Variants in HECTD4 observed in about 807,000 individuals in gnomAD.
The protein encoded by HECTD4 is probable E3 ubiquitin-protein ligase HECTD4.
HECTD4 carries 114 observed loss-of-function variants against 471.5 expected under a neutral mutation model. The observed-to-expected ratio is 0.24, with a 90% confidence interval of 0.21 to 0.28. HECTD4 has a LOEUF of 0.28. Ranked by LOEUF, HECTD4 falls within the 10% of genes least tolerant of loss-of-function variation. HECTD4 has a pLI of 1.00. For missense variants in HECTD4, 3,866 were observed against 5,651.5 expected, an observed-to-expected ratio of 0.68 and a Z score of 10.13; for synonymous variants, 2,012 against 2,256.0, an observed-to-expected ratio of 0.89 and a Z score of 3.07.
At chr12:112,279,595 A>G (rs1424848527) in intron 8 of HECTD4, among the ~76,000 whole-genome samples, 1 of 152,220 alleles carries the variant, frequency 6.6e-6, no homozygotes, top group Non-Finnish European at 1.5e-5. Flanking sequence ...TGAGCCTCCT[A>G]TTTATATGGT....
chr12:112,367,223 G>C (rs776532951), intron 1 of HECTD4, among the ~76,000 whole-genome samples: 2 of 150,176 alleles, frequency 1.3e-5, no homozygotes, highest in Non-Finnish European at 3.0e-5. Context: ...CACTTGAACC[G>C]GGGAGGTAGA....
rs1248201495 is a variant in HECTD4, at chr12:112,319,242, C to T, written c.678G>A (p.Val226=). 2 of 1,536,120 alleles carry T rather than the reference C, an allele frequency of 1.3e-6. No individual in the cohort carries two copies. The highest frequency in any genetic ancestry group is 2.4e-5 in the South Asian group (2 of 84,068). ...KQKENAAAAL[V]ALACARGSLK... ...TTCCTTACCTGGCACAAGCCAAAGC[C>T]ACCAGGGCAGCAGCAGCATTTTCTT... The change falls in exon 2 of 76, where the codon GTG becomes GTA. Residue 226 remains valine (V), a synonymous_variant. Transcript: ENST00000682272. The surrounding 1 kb of genome is among the most constrained non-coding windows in gnomAD (Gnocchi z 5.3).
chr12:112,241,987 G>C (rs958471233), intron 32 of HECTD4, among the ~76,000 whole-genome samples: 2 of 152,182 alleles, frequency 1.3e-5, no homozygotes, highest in Non-Finnish European at 2.9e-5. Context: ...GCCTCCAGCA[G>C]CTCCAGTCCA....
At chr12:112,206,898 A>G (rs1330762757) in intron 52 of HECTD4, among the ~76,000 whole-genome samples, 1 of 151,798 alleles carries the variant, frequency 6.6e-6, no homozygotes, top group African/African-American at 2.4e-5. Context: ...TCTTTTATTC[A>G]CTGGTCTTAC....
chr12:112,319,302 A>T lies in HECTD4; in HGVS notation c.618T>A (p.Thr206=), dbSNP rs768638976. 1.3e-6 allele frequency: 2 copies of T among 1,536,152 alleles called. No homozygotes were observed. ...GTGGGATGTGTCGGCCTGTGTCAGA[A>T]GTCTCCTCTAGCCAAGAGCACAGCA... The part of the protein sequence containing the change: ...ETLLCSWLEE[T]SDTGRHIPHK... Residue 206 remains threonine (T), a synonymous_variant, in exon 2 of 76, where the codon ACT becomes ACA. Coordinates refer to ENST00000682272, the MANE Select transcript of HECTD4 (RefSeq NM_001388303.1). The surrounding 1 kb of genome is among the most constrained non-coding windows in gnomAD (Gnocchi z 5.3).
intron 7 of HECTD4, chr12:112,302,011 T>G (rs1340448415): frequency 2.1e-6 from 2 of 940,234 alleles, no homozygotes; most frequent in Non-Finnish European, 3.4e-6. Flanking sequence ...TCCTGATACC[T>G]TCCACCAGCT....
chr12:112,176,672 A>T lies in HECTD4; in HGVS notation c.11394T>A (p.Thr3798=). 6.2e-7 allele frequency: 1 copy of T among 1,613,972 alleles called. No individual in the cohort carries two copies. The change falls in exon 65 of 76, where the codon ACT becomes ACA. Residue 3798 remains threonine (T), a synonymous_variant. Coordinates refer to ENST00000682272, the MANE Select transcript of HECTD4 (RefSeq NM_001388303.1). ...SRTALSEKKP[T]VKPKSPEKSK... Reference sequence around the variant, plus strand: ...TCTTTTCTGGTGATTTTGGCTTCACAGTTGGCTTCTTCTCACTTAAGGCAG... The same window carrying T: ...TCTTTTCTGGTGATTTTGGCTTCACTGTTGGCTTCTTCTCACTTAAGGCAG...
In HECTD4 at chr12:112,369,209, T is replaced by A. The variant is rs1594081319; in HGVS notation, c.177+12743A>T. 6.6e-5 allele frequency among the ~76,000 whole-genome samples: 10 copies of A among 152,318 alleles called. No homozygotes were observed. The South Asian group carries it at 2.1e-3, about 32-fold the overall frequency. ...CTGAAGTGAACTCATAAGAGCTGGA[T>A]GGCACTGACAGAAAACTCTGGCTTC... On this transcript the variant is annotated intron_variant, in intron 1 of 75. Transcript: ENST00000682272.
At chr12:112,223,820 T>A (rs1258358108) in intron 44 of HECTD4, among the ~76,000 whole-genome samples, 2 of 152,200 alleles carry the variant, frequency 1.3e-5, no homozygotes, top group Non-Finnish European at 1.5e-5. Context: ...CTATAAAATT[T>A]GGCTATCAGT....
rs1398748999 is a variant in HECTD4, at chr12:112,273,726, T to C, written c.1871A>G (p.Asn624Ser). Residue 624 changes from asparagine (N) to serine (S), a missense_variant, in exon 11 of 76, where the codon AAC becomes AGC. By Grantham distance (46) the Asn-to-Ser change is conservative. Around this residue, in one of 16 missense-constraint regions of HECTD4, gnomAD observed 525 missense variants for 672.6 expected, o/e 0.78. Coordinates refer to ENST00000682272, the MANE Select transcript of HECTD4 (RefSeq NM_001388303.1). The stretch of plus-strand genomic sequence containing the variant: ...ATAATGGAAGGCTTGATTCCCAGGG[T>C]TACACCACTGATCGATATAGTCATT... ...CSNDYIDQWCNPGNQAFHYVC... is the reference protein window; with the variant it reads ...CSNDYIDQWCSPGNQAFHYVC... 2 of 1,613,898 alleles carry C rather than the reference T, an allele frequency of 1.2e-6. 1 individual carries two copies. Among genetic ancestry groups the C allele is most frequent in the South Asian group, 2.2e-5 (2 of 91,088 alleles).
At chr12:112,329,729 C>T (rs1375162155) in intron 1 of HECTD4, among the ~76,000 whole-genome samples, 1 of 152,132 alleles carries the variant, frequency 6.6e-6, no homozygotes, top group Non-Finnish European at 1.5e-5. Flanking sequence ...AAAATTTTCT[C>T]CATGTTACAA....
At chr12:112,344,043 G>C (rs936343211) in intron 1 of HECTD4, among the ~76,000 whole-genome samples, 2 of 152,198 alleles carry the variant, frequency 1.3e-5, no homozygotes, top group Non-Finnish European at 2.9e-5. Context: ...AACTTGCCTG[G>C]AGGACGCCAA....
At chr12:112,354,902 G>A (rs1162951091) in intron 1 of HECTD4, among the ~76,000 whole-genome samples, 3 of 152,034 alleles carry the variant, frequency 2.0e-5, no homozygotes, top group East Asian at 1.9e-4. Context: ...AAACAAAGAT[G>A]AGCGCTGCCC....
intron 29 of HECTD4, among the ~76,000 whole-genome samples, chr12:112,245,444 A>G (rs1441145164): frequency 6.6e-6 from 1 of 152,250 alleles, no homozygotes; most frequent in Non-Finnish European, 1.5e-5. Flanking sequence ...TCAGGTCTAT[A>G]TACAGGACCT....
At position 112,230,707 on chromosome 12, in the gene HECTD4, A is replaced by G; in HGVS notation, c.6316T>C (p.Trp2106Arg). ...CTAACCTTCTCTGCTGTTGTGGTCC[A>G]TATTTGAGCAGCATTTGATTCAGGT... Reference protein sequence around the residue: ...MAPESNAAQIWTTTAEKVLSR... With the variant: ...MAPESNAAQIRTTTAEKVLSR... Residue 2106 changes from tryptophan to arginine, a missense_variant, in exon 40 of 76, where the codon TGG becomes CGG. Trp to Arg is a moderately radical substitution (Grantham distance 101, BLOSUM62 -3). Transcript: ENST00000682272. 6.2e-7 allele frequency: 1 copy of G among 1,610,950 alleles called. No homozygotes were observed. The highest frequency in any genetic ancestry group is 8.5e-7 in the Non-Finnish European group (1 of 1,178,530).
At chr12:112,216,661 C>T in intron 47 of HECTD4, 112 bp downstream of exon 47, 1 of 1,266,176 alleles carries the variant, frequency 7.9e-7, no homozygotes, top group Non-Finnish European at 1.1e-6. Context: ...TAATGCTCTC[C>T]TTTCCCCAAA....
chr12:112,209,706 A>G (rs1317085273), intron 50 of HECTD4, among the ~76,000 whole-genome samples: 1 of 152,154 alleles, frequency 6.6e-6, no homozygotes, highest in Non-Finnish European at 1.5e-5. Context: ...TTTTAGGACA[A>G]TTTTTGAAAA....
At chr12:112,246,666 G>A (rs1178664742) in intron 29 of HECTD4, among the ~76,000 whole-genome samples, 1 of 152,030 alleles carries the variant, frequency 6.6e-6, no homozygotes, top group Non-Finnish European at 1.5e-5. Flanking sequence ...AAAACAAGAA[G>A]TTGACCGCAG....
At chr12:112,233,961 T>C (rs2033444415) in intron 37 of HECTD4, among the ~76,000 whole-genome samples, 1 of 152,232 alleles carries the variant, frequency 6.6e-6, no homozygotes, top group South Asian at 2.1e-4. Flanking sequence ...TGATTTTACT[T>C]GTCTGACAGA....
Sources: allele counts gnomAD v4.1 joint callset (sites outside exome capture counted in the v4.1 genomes callset), GRCh38; gene constraint gnomAD v4.1.1; regional missense constraint gnomAD v4.1.1; non-coding constraint Gnocchi (gnomAD v3.1); transcripts MANE v1.5; gene names NCBI Gene and HGNC (gene_info 2026-07-23, HGNC 2026-07-21).